INO80: variants seen among roughly 807,000 people sequenced by gnomAD.
INO80 encodes INO80 complex ATPase subunit.
Under a neutral mutation model 203.4 loss-of-function variants are expected in INO80, and 20 were observed. The ratio of observed to expected loss-of-function variants is 0.10; its 90% CI spans 0.07 to 0.14. The LOEUF (loss-of-function observed/expected upper bound fraction) is 0.14. INO80 is among the 10% of genes least tolerant of loss of function. The pLI is 1.00. For missense variants in INO80, 1,419 were observed against 1,914.4 expected, an observed-to-expected ratio of 0.74 and a Z score of 4.83; for synonymous variants, 726 against 685.2, an observed-to-expected ratio of 1.06 and a Z score of -0.93.
At position 41,049,283 on chromosome 15, in the gene INO80, C is replaced by T. The variant is rs748984407; in HGVS notation, c.2576+4G>A. ...ATAGTGAACAGATAGTAATACTTCCCTACCTGTCTCGTGAATGATTGAAGA... is the reference window on the plus strand; with the variant it reads ...ATAGTGAACAGATAGTAATACTTCCTTACCTGTCTCGTGAATGATTGAAGA... On this transcript the variant is annotated splice_donor_region_variant and intron_variant, in intron 21 of 35. Coordinates refer to ENST00000648947, the MANE Select transcript of INO80 (RefSeq NM_017553.3). 1.2e-6 allele frequency: 2 copies of T among 1,610,494 alleles called. No individual in the cohort carries two copies. The highest frequency in any genetic ancestry group is 1.7e-6 in the Non-Finnish European group (2 of 1,178,078).
chr15:41,096,391 T>C (rs1417091535), intron 1 of INO80, 38 bp from the exon 2 acceptor site: 10 of 1,381,460 alleles, frequency 7.2e-6, no homozygotes, highest in Admixed American at 2.8e-5. Flanking sequence ...ATGAAATTAC[T>C]ATCCATTCTC....
chr15:41,032,942 G>A (rs1183096642), intron 24 of INO80, among the ~76,000 whole-genome samples: 1 of 152,172 alleles, frequency 6.6e-6, no homozygotes, highest in Non-Finnish European at 1.5e-5. Context: ...GGAGGCTGAG[G>A]CAGGAGAATC....
rs763192295 is a variant in INO80 at position 41,096,344 on chromosome 15, G to C, written c.-34C>G. 1.6e-5 allele frequency: 25 copies of C among 1,537,036 alleles called. No individual in the cohort carries two copies. The highest frequency in any genetic ancestry group is 4.7e-5 in the Admixed American group (2 of 42,206). ...TCTGTCTTCATGCACAAGGACCTCC[G>C]ACTGCACGGCTGCAGAACAGAGATA... On this transcript the variant is annotated 5_prime_UTR_variant, in exon 2 of 36. Transcript: ENST00000648947.
intron 29 of INO80, among the ~76,000 whole-genome samples, chr15:40,995,613 T>C (rs149844076): frequency 2.0e-3 from 298 of 152,214 alleles, no homozygotes; most frequent in African/African-American, 6.9e-3. Flanking sequence ...TAGCAAAGAA[T>C]GGATTTGGAT....
chr15:40,995,598 C>G (rs1416002255), intron 29 of INO80, among the ~76,000 whole-genome samples: 1 of 152,056 alleles, frequency 6.6e-6, no homozygotes, highest in Non-Finnish European at 1.5e-5. Context: ...AACAGAGTAC[C>G]AGCATAGCAA....
chr15:41,076,481 A>G lies in INO80; in HGVS notation c.1132-1916T>C, dbSNP rs1205750975. Among the ~76,000 whole-genome samples the G allele has an allele frequency of 6.9e-5, 10 of 145,508 alleles. No homozygotes were observed. In the East Asian group the frequency reaches 1.9e-3, roughly 28 times the overall value. ...TGCAAACTTTCTTTTTTTTTTTTTT[A>G]ATGTCAGAAGGCTAAATTAAAAGTG... On this transcript the variant is annotated intron_variant, in intron 9 of 35. Coordinates refer to ENST00000648947, the MANE Select transcript of INO80 (RefSeq NM_017553.3).
chr15:41,007,148 A>T (rs1423480690), intron 27 of INO80, among the ~76,000 whole-genome samples: 3 of 147,200 alleles, frequency 2.0e-5, no homozygotes, highest in Admixed American at 6.8e-5. Flanking sequence ...GCAAAAAGGT[A>T]GGCTTCCTGC....
intron 27 of INO80, among the ~76,000 whole-genome samples, chr15:41,014,610 C>T (rs939061736): frequency 3.9e-5 from 6 of 152,112 alleles, no homozygotes; most frequent in African/African-American, 1.4e-4. Flanking sequence ...AATAAGTGGC[C>T]TACTCATAAT....
At chr15:41,033,207 A>C (rs2140494063) in intron 24 of INO80, among the ~76,000 whole-genome samples, 1 of 152,302 alleles carries the variant, frequency 6.6e-6, no homozygotes, top group Admixed American at 6.5e-5. Context: ...ATTTAATTGG[A>C]ATAGACTCAA....
intron 9 of INO80, among the ~76,000 whole-genome samples, chr15:41,076,249 T>C (rs1277280589): frequency 6.6e-6 from 1 of 151,866 alleles, no homozygotes; most frequent in Admixed American, 6.6e-5. Flanking sequence ...TAATCCCAGC[T>C]ACTTAGGAGG....
intron 7 of INO80, among the ~76,000 whole-genome samples, chr15:41,083,057 C>G (rs2045508271): frequency 6.6e-6 from 1 of 151,836 alleles, no homozygotes; most frequent in Non-Finnish European, 1.5e-5. Flanking sequence ...CCGAGGCGCA[C>G]AGATCATGAG....
At chr15:40,993,155 T>C (rs1404518181) in intron 29 of INO80, among the ~76,000 whole-genome samples, 2 of 152,194 alleles carry the variant, frequency 1.3e-5, no homozygotes, top group Non-Finnish European at 1.5e-5. Flanking sequence ...CCTCTACTTA[T>C]GGATCAGAGG....
chr15:41,088,199 C>T (rs1406013491), intron 5 of INO80, among the ~76,000 whole-genome samples: 2 of 149,650 alleles, frequency 1.3e-5, no homozygotes, highest in Middle Eastern at 3.5e-3. Flanking sequence ...AAGCGATTCT[C>T]GTGTCTCAGC....
At chr15:41,005,297 A>C in intron 28 of INO80, 1 of 249,862 alleles carries the variant, frequency 4.0e-6, no homozygotes, top group Non-Finnish European at 7.6e-6. Context: ...ATTGAGGAGG[A>C]TCTTGGTTCA....
intron 14 of INO80, 32 bp downstream of exon 14, chr15:41,069,538 G>T: frequency 1.6e-6 from 2 of 1,231,718 alleles, no homozygotes; most frequent in Non-Finnish European, 2.4e-6. Context: ...ATTTTAAAGA[G>T]CAATAGATGT....
At chr15:41,090,384 T>C (rs973996296) in intron 5 of INO80, among the ~76,000 whole-genome samples, 1 of 151,972 alleles carries the variant, frequency 6.6e-6, no homozygotes, top group Non-Finnish European at 1.5e-5. Context: ...GAGACCAACC[T>C]GGCCAACATG....
chr15:41,068,561 A>G (rs924230422), intron 14 of INO80, among the ~76,000 whole-genome samples: 1 of 146,234 alleles, frequency 6.8e-6, no homozygotes, highest in Non-Finnish European at 1.5e-5. Context: ...AACTCTGATT[A>G]AAAAAAAAAA....
intron 20 of INO80, 119 bp downstream of exon 20, chr15:41,049,816 C>G (rs2044836397): frequency 1.1e-6 from 1 of 876,328 alleles, no homozygotes; most frequent in Admixed American, 2.5e-5. Flanking sequence ...AACCTGGGAG[C>G]CAGAGGTTGC....
chr15:40,992,539 T>C (rs1282358486), intron 29 of INO80, among the ~76,000 whole-genome samples: 1 of 152,224 alleles, frequency 6.6e-6, no homozygotes, highest in Non-Finnish European at 1.5e-5. Context: ...CTCTTCCTTG[T>C]CCATAAATGG....
Sources: gnomAD v4.1 joint callset for allele counts (sites outside exome capture counted in the v4.1 genomes callset) on GRCh38, gnomAD v4.1.1 for gene constraint, MANE v1.5 for transcripts, NCBI Gene and HGNC (gene_info 2026-07-23, HGNC 2026-07-21) for gene names.